Variants in CACNA1C observed in about 807,000 individuals in gnomAD.
The protein encoded by CACNA1C is calcium voltage-gated channel subunit alpha1 C, also known as voltage-dependent L-type calcium channel subunit alpha-1C.
Under a neutral mutation model 229.0 loss-of-function variants are expected in CACNA1C, and 30 were observed. The ratio of observed to expected loss-of-function variants is 0.13; its 90% CI spans 0.10 to 0.18. CACNA1C has a LOEUF of 0.18. CACNA1C is among the 10% of genes least tolerant of loss of function. The probability of loss-of-function intolerance (pLI) is 1.00; values close to 1 mark genes in which losing one functional copy is unlikely to be tolerated. For synonymous variants in CACNA1C, 1,114 were observed against 1,132.5 expected (o/e 0.98, Z 0.33); for missense variants, 1,658 against 2,845.0 (o/e 0.58, Z 9.49).
intron 9 of CACNA1C, among the ~76,000 whole-genome samples, chr12:2,543,652 AC>A (rs921490653): frequency 2.6e-5 from 4 of 152,180 alleles, no homozygotes; most frequent in African/African-American, 9.7e-5. Context: ...TCAGAAAGGA[AC>A]CTTTAGATAT....
At chr12:2,009,261 G>T (rs1034202663) in intron 1 of CACNA1C, among the ~76,000 whole-genome samples, 4 of 152,134 alleles carry the variant, frequency 2.6e-5, no homozygotes, top group Non-Finnish European at 5.9e-5. Flanking sequence ...TAATGTTTGG[G>T]TCTGGAATTT....
At chr12:2,430,281 A>G (rs1469916208) in intron 3 of CACNA1C, among the ~76,000 whole-genome samples, 1 of 152,212 alleles carries the variant, frequency 6.6e-6, no homozygotes, top group African/African-American at 2.4e-5. Context: ...CATTCGGACC[A>G]TAACAAGCAG....
chr12:1,993,349 C>T lies in CACNA1C; in HGVS notation c.139+22148C>T, dbSNP rs2039955895. Reference sequence around the variant, plus strand: ...TAGGTTCTGTCCTATTTTCCATGCTCAGCCTATTCATAATGGTGAATCCAT... The same window carrying T: ...TAGGTTCTGTCCTATTTTCCATGCTTAGCCTATTCATAATGGTGAATCCAT... On this transcript the variant is annotated intron_variant, in intron 1 of 46. Transcript: ENST00000682462. 5 of 1,613,902 alleles carry T rather than the reference C, an allele frequency of 3.1e-6. No homozygotes were observed. The African/African-American group carries it at 4.0e-5, about 13-fold the overall frequency.
chr12:2,519,228 G>A lies in CACNA1C; in HGVS notation c.1390+6244G>A, dbSNP rs559825509. Reference sequence around the variant, plus strand: ...TTCTTGGGGCTGCCTTTAATTCACCGTTGTGTCCCCATGACCTGACACAGG... The same window carrying A: ...TTCTTGGGGCTGCCTTTAATTCACCATTGTGTCCCCATGACCTGACACAGG... On this transcript the variant is annotated intron_variant, in intron 9 of 46. Transcript: ENST00000399655. Among the ~76,000 whole-genome samples the A allele has an allele frequency of 5.3e-5, 8 of 152,280 alleles. No homozygotes were observed. The South Asian group carries it at 6.2e-4, about 12-fold the overall frequency.
At chr12:2,066,222 G>T (rs1326167938) in intron 1 of CACNA1C, among the ~76,000 whole-genome samples, 3 of 152,034 alleles carry the variant, frequency 2.0e-5, no homozygotes, top group Non-Finnish European at 2.9e-5. Flanking sequence ...GTATTTGGAG[G>T]CAAGTAGAAG....
At chr12:2,411,903 C>T (rs1257465855) in intron 3 of CACNA1C, among the ~76,000 whole-genome samples, 1 of 152,200 alleles carries the variant, frequency 6.6e-6, no homozygotes. Context: ...GCACAGGGGC[C>T]ATGAAAGGGG....
At chr12:2,052,767 G>A (rs1004041929), upstream of CACNA1C, among the ~76,000 whole-genome samples, 45 of 145,696 alleles carry the variant, frequency 3.1e-4, no homozygotes, top group African/African-American at 1.1e-3. Context: ...GCGCTGCCGC[G>A]GGCGCCGGGA....
rs369405742 is a variant in CACNA1C at position 2,121,548 on chromosome 12, G to T, written c.477+1118G>T. Among the ~76,000 whole-genome samples, 44 of 152,310 alleles carry T rather than the reference G, an allele frequency of 2.9e-4. No homozygotes were observed. In the South Asian group the frequency reaches 8.1e-3, roughly 28 times the overall value. On this transcript the variant is annotated intron_variant, in intron 3 of 46. Coordinates refer to ENST00000399655, the MANE Select transcript of CACNA1C (RefSeq NM_000719.7). ...TGCGGGCTGTGGTGTCTTGTGGCTC[G>T]GCTTGGGGCCCTTTGTTGGGGACAG...
At chr12:2,451,656 ACCTGCGGTCTGTCTG>A (rs2099373632) in intron 4 of CACNA1C, among the ~76,000 whole-genome samples, 1 of 152,122 alleles carries the variant, frequency 6.6e-6, no homozygotes, top group Non-Finnish European at 1.5e-5. Context: ...CTGGTGCCTC[ACCTGCGGTCTGTCTG>A]GACCCGCTTC....
chr12:2,512,716 C>A lies in CACNA1C; in HGVS notation c.1218-96C>A. 1 of 932,042 alleles carries A rather than the reference C, an allele frequency of 1.1e-6. No individual in the cohort carries two copies. Among genetic ancestry groups the A allele is most frequent in the Non-Finnish European group, 1.6e-6 (1 of 635,380 alleles). 57.7% of individuals were successfully genotyped at this position (932,042 alleles called of 1,614,324 possible). A position where few individuals can be genotyped will look rare whatever the true frequency, so the allele number is the denominator to read the frequency against. ...TGCAAAGCAATTAAGACTCTTGTTT[C>A]TCCTTATCTCCATCTCTCCTTCCAT... On this transcript the variant is annotated intron_variant, in intron 8 of 46. Coordinates refer to ENST00000399655, the MANE Select transcript of CACNA1C (RefSeq NM_000719.7). This position sits in a 1 kb window ranked among gnomAD's most constrained non-coding sequence, Gnocchi z 4.3.
At chr12:2,478,021 T>C (rs775875748) in intron 5 of CACNA1C, among the ~76,000 whole-genome samples, 13 of 152,044 alleles carry the variant, frequency 8.6e-5, no homozygotes, top group Non-Finnish European at 1.6e-4. Context: ...TGGTGACTAT[T>C]GGACTCTTAG....
rs1221477207 is a variant in CACNA1C at position 2,135,412 on chromosome 12, T to C, written c.477+14982T>C. Among the ~76,000 whole-genome samples, 2 of 143,424 alleles carry C rather than the reference T, an allele frequency of 1.4e-5. 1 individual carries two copies. The highest frequency in any genetic ancestry group is 5.5e-5 in the African/African-American group (2 of 36,184). The allele number at this position is 143,424 out of a possible 152,430, so 94.1% of individuals were successfully genotyped here. On this transcript the variant is annotated intron_variant, in intron 3 of 46. Coordinates refer to ENST00000399655, the MANE Select transcript of CACNA1C (RefSeq NM_000719.7). ...TTTTTAGAGCTTCCAGTTTTTCTGTTCTGTTTTTTCCCCATCTTTGTGGTT... is the reference window on the plus strand; with the variant it reads ...TTTTTAGAGCTTCCAGTTTTTCTGTCCTGTTTTTTCCCCATCTTTGTGGTT...
chr12:2,358,188 C>T (rs73607703), intron 3 of CACNA1C, among the ~76,000 whole-genome samples: 6,283 of 151,424 alleles, frequency 0.041, 190 homozygotes, highest in East Asian at 0.13. Flanking sequence ...TGCCGTTCTC[C>T]GGGAGGGTGT....
chr12:2,263,830 T>C (rs1021559326), intron 3 of CACNA1C, among the ~76,000 whole-genome samples: 1 of 151,948 alleles, frequency 6.6e-6, no homozygotes, highest in Non-Finnish European at 1.5e-5. Flanking sequence ...AATTGGGGTT[T>C]GGACATGCCA....
At chr12:2,096,080 T>A (rs1358992949) in intron 1 of CACNA1C, among the ~76,000 whole-genome samples, 1 of 151,352 alleles carries the variant, frequency 6.6e-6, no homozygotes, top group Non-Finnish European at 1.5e-5. Context: ...GTGCCCAGAG[T>A]GGAGCTTTTG....
intron 11 of CACNA1C, among the ~76,000 whole-genome samples, chr12:2,559,050 G>A (rs1331396937): frequency 6.6e-6 from 1 of 152,124 alleles, no homozygotes; most frequent in Non-Finnish European, 1.5e-5. Context: ...ATATTTGCTG[G>A]GTGAGTGAGT....
intron 30 of CACNA1C, among the ~76,000 whole-genome samples, chr12:2,640,563 C>T (rs2093556840): frequency 2.6e-5 from 4 of 152,196 alleles, no homozygotes; most frequent in Admixed American, 2.6e-4. Context: ...TCCCTTTGCC[C>T]AGTTGGCATC....
In CACNA1C at chr12:2,454,918, C is replaced by T. The variant is rs73042163; in HGVS notation, c.618-2649C>T. On this transcript the variant is annotated intron_variant, in intron 4 of 46. Coordinates refer to ENST00000399655, the MANE Select transcript of CACNA1C (RefSeq NM_000719.7). ...ACCACGCGTCTATGCTGACAATGCG[C>T]CTTCTCACTGAACCACGACCCACGG... Among the ~76,000 whole-genome samples the T allele has an allele frequency of 6.4e-3, 969 of 152,340 alleles. 4 individuals are homozygous for T. The highest frequency in any genetic ancestry group is 0.01 in the Non-Finnish European group (702 of 68,036).
At position 2,605,654 on chromosome 12, in the gene CACNA1C, C is replaced by G; in HGVS notation, c.3049-25C>G. The G allele has an allele frequency of 6.4e-7, 1 of 1,572,436 alleles. No homozygotes were observed. The highest frequency in any genetic ancestry group is 1.3e-5 in the African/African-American group (1 of 74,278). Reference sequence around the variant, plus strand: ...CCTGGCATCTCCTGAAGCCACGTCCCTCTCCCCGTCCCTTCCCACTGCAGC... The same window carrying G: ...CCTGGCATCTCCTGAAGCCACGTCCGTCTCCCCGTCCCTTCCCACTGCAGC... On this transcript the variant is annotated intron_variant, in intron 23 of 46. Transcript: ENST00000399655. The surrounding 1 kb of genome is among the most constrained non-coding windows in gnomAD (Gnocchi z 6.2).
Sources: allele counts gnomAD v4.1 joint callset (sites outside exome capture counted in the v4.1 genomes callset), GRCh38; gene constraint gnomAD v4.1.1; non-coding constraint Gnocchi (gnomAD v3.1); transcripts MANE v1.5; gene names NCBI Gene and HGNC (gene_info 2026-07-23, HGNC 2026-07-21).